The following GPC6 variants were observed in gnomAD, a reference collection of about 807,000 sequenced individuals.
The protein encoded by GPC6 is glypican-6.
A neutral mutation model predicts 55.2 loss-of-function variants in GPC6; 14 were observed. That is an observed-to-expected ratio of 0.25 (90% CI 0.17 to 0.40). The LOEUF is 0.40. Ranked by LOEUF, GPC6 falls within the 10% of genes least tolerant of loss-of-function variation. GPC6 has a pLI of 1.00. For synonymous variants in GPC6, 278 were observed against 259.6 expected, an observed-to-expected ratio of 1.07 and a Z score of -0.68; for missense variants, 641 against 708.5, an observed-to-expected ratio of 0.90 and a Z score of 1.08.
Position 93,333,579 on chromosome 13 carries a change from CTGGAGT to C in GPC6, c.160+105964_160+105969del, listed in dbSNP as rs573336541. 3.4e-5 allele frequency among the ~76,000 whole-genome samples: 5 copies of C among 145,718 alleles called. No homozygotes were observed. In the South Asian group the frequency reaches 1.1e-3, roughly 32 times the overall value. On this transcript the variant is annotated intron_variant, in intron 1 of 8. Coordinates refer to ENST00000377047, the MANE Select transcript of GPC6 (RefSeq NM_005708.5). ...ACAGGGTTTTACTCTCTTGCCCAGG[CTGGAGT>C]GCGTTGGTACAATCTCAGCTCACTG...
At chr13:93,932,134 C>G (rs942291231) in intron 3 of GPC6, among the ~76,000 whole-genome samples, 1 of 152,212 alleles carries the variant, frequency 6.6e-6, no homozygotes, top group Non-Finnish European at 1.5e-5. Flanking sequence ...GTCTGGCGAA[C>G]AGGACACATA....
At chr13:93,469,499 A>G (rs1271212802) in intron 1 of GPC6, among the ~76,000 whole-genome samples, 1 of 152,070 alleles carries the variant, frequency 6.6e-6, no homozygotes, top group African/African-American at 2.4e-5. Flanking sequence ...TATAAAGCCA[A>G]GTTTATTACT....
rs1398425179 is a variant in GPC6, at chr13:93,637,036, G to T, written c.319+91615G>T. Among the ~76,000 whole-genome samples, 164 of 151,890 alleles carry T rather than the reference G, an allele frequency of 1.1e-3. 3 individuals are homozygous for T. The highest frequency in any genetic ancestry group is 8.8e-5 in the Non-Finnish European group (6 of 67,976). On this transcript the variant is annotated intron_variant, in intron 2 of 8. Coordinates refer to ENST00000377047, the MANE Select transcript of GPC6 (RefSeq NM_005708.5). The stretch of plus-strand genomic sequence containing the variant: ...AAACTAAAGGAGTGCAAAATGCTAG[G>T]CCTTTTCCTCCTTGTAATGTTTGAA...
chr13:93,348,248 G>A (rs1880496120), intron 1 of GPC6, among the ~76,000 whole-genome samples: 1 of 152,156 alleles, frequency 6.6e-6, no homozygotes, highest in Non-Finnish European at 1.5e-5. Context: ...GATGTAAATT[G>A]CAAATTAATA....
In GPC6 at chr13:93,673,348, A is replaced by G. The variant is rs181665282; in HGVS notation, c.319+127927A>G. Among the ~76,000 whole-genome samples, 120 of 152,276 alleles carry G rather than the reference A, an allele frequency of 7.9e-4. 2 individuals are homozygous for G. The highest frequency in any genetic ancestry group is 6.2e-3 in the Admixed American group (94 of 15,280). Reference sequence around the variant, plus strand: ...TTTTAATTTTTAAACTTGAAATCACAGAGAATGAAGAATTTAAAAAGGTTT... The same window carrying G: ...TTTTAATTTTTAAACTTGAAATCACGGAGAATGAAGAATTTAAAAAGGTTT... On this transcript the variant is annotated intron_variant, in intron 2 of 8. Transcript: ENST00000377047.
intron 4 of GPC6, among the ~76,000 whole-genome samples, chr13:94,085,869 A>G (rs1885264047): frequency 1.3e-5 from 2 of 152,192 alleles, no homozygotes; most frequent in Admixed American, 6.5e-5. Context: ...TAAAAAATAT[A>G]CACTGAGTTT....
At chr13:94,368,514 GA>G (rs1330895769) in intron 6 of GPC6, among the ~76,000 whole-genome samples, 4 of 152,050 alleles carry the variant, frequency 2.6e-5, no homozygotes, top group African/African-American at 9.7e-5. Flanking sequence ...TGACACCAAA[GA>G]GTTTCATAAA....
chr13:93,585,695 C>T (rs541311663), intron 2 of GPC6, among the ~76,000 whole-genome samples: 5 of 152,202 alleles, frequency 3.3e-5, no homozygotes, highest in African/African-American at 9.6e-5. Flanking sequence ...TGAGGGGGCA[C>T]TTCTAAATTA....
intron 4 of GPC6, among the ~76,000 whole-genome samples, chr13:94,064,662 G>A (rs1884453848): frequency 6.6e-6 from 1 of 152,022 alleles, no homozygotes; most frequent in Non-Finnish European, 1.5e-5. Flanking sequence ...TTTGAATGCA[G>A]TCATTCTCTG....
chr13:93,231,361 G>GTATGTA (rs1876018748), intron 1 of GPC6, among the ~76,000 whole-genome samples: 1 of 86,214 alleles, frequency 1.2e-5, no homozygotes, highest in African/African-American at 4.7e-5. Flanking sequence ...ATATATATAC[G>GTATGTA]TATATATATA....
At chr13:94,168,036 T>G (rs575391379) in intron 4 of GPC6, among the ~76,000 whole-genome samples, 1 of 152,346 alleles carries the variant, frequency 6.6e-6, no homozygotes, top group East Asian at 1.9e-4. Context: ...TGTTTGTACA[T>G]AAATTATCTT....
chr13:93,964,371 G>A (rs1455307610), intron 3 of GPC6, among the ~76,000 whole-genome samples: 1 of 152,112 alleles, frequency 6.6e-6, no homozygotes, highest in African/African-American at 2.4e-5. Context: ...GGCCGTAAAA[G>A]GAGCCCATTA....
At chr13:93,943,246 A>G (rs1043089050) in intron 3 of GPC6, among the ~76,000 whole-genome samples, 1 of 152,172 alleles carries the variant, frequency 6.6e-6, no homozygotes, top group Non-Finnish European at 1.5e-5. Context: ...TACGTATACT[A>G]TACTTAATTC....
chr13:93,931,721 G>A (rs566945631), intron 3 of GPC6, among the ~76,000 whole-genome samples: 51 of 140,054 alleles, frequency 3.6e-4, no homozygotes, highest in African/African-American at 1.3e-3. Context: ...CCAAGATCGC[G>A]CCACTGCACT....
At chr13:93,684,856 C>G (rs1307392053) in intron 2 of GPC6, among the ~76,000 whole-genome samples, 1 of 151,982 alleles carries the variant, frequency 6.6e-6, no homozygotes, top group Non-Finnish European at 1.5e-5. Context: ...TAAGAAGGAG[C>G]CATAGATAAT....
intron 4 of GPC6, among the ~76,000 whole-genome samples, chr13:94,127,755 C>T (rs1425010773): frequency 2.0e-5 from 3 of 152,148 alleles, no homozygotes; most frequent in African/African-American, 4.8e-5. Flanking sequence ...CAGATGGCCA[C>T]ATGTGGATGA....
At chr13:93,458,461 C>T (rs750527072) in intron 1 of GPC6, among the ~76,000 whole-genome samples, 4 of 152,186 alleles carry the variant, frequency 2.6e-5, no homozygotes, top group Admixed American at 6.5e-5. Context: ...TTCCCTTTCA[C>T]GCCCAATATA....
At chr13:93,856,816 T>C (rs74108899) in intron 3 of GPC6, among the ~76,000 whole-genome samples, 125 of 151,658 alleles carry the variant, frequency 8.2e-4, no homozygotes, top group Non-Finnish European at 1.6e-3. Context: ...ATGGATCCTC[T>C]TGCTACATCA....
intron 1 of GPC6, among the ~76,000 whole-genome samples, chr13:93,274,559 T>C (rs1877664078): frequency 6.6e-6 from 1 of 152,222 alleles, no homozygotes; most frequent in South Asian, 2.1e-4. Flanking sequence ...TACTACATAC[T>C]AGGCATTTTG....
Sources: gnomAD v4.1 joint callset for allele counts (sites outside exome capture counted in the v4.1 genomes callset) on GRCh38, gnomAD v4.1.1 for gene constraint, MANE v1.5 for transcripts, NCBI Gene and HGNC (gene_info 2026-07-23, HGNC 2026-07-21) for gene names.